The following TBC1D22B variants were observed in gnomAD, a reference collection of about 807,000 sequenced individuals.
TBC1D22B encodes the protein chromosome 6 open reading frame 197.
In TBC1D22B, 32 loss-of-function variants were observed where a neutral mutation model predicts 69.1. The observed-to-expected ratio is 0.46, with a 90% CI of 0.35 to 0.62. TBC1D22B has a LOEUF of 0.62. Ranked by LOEUF, TBC1D22B falls within the 20% of genes least tolerant of loss-of-function variation. TBC1D22B has a pLI of 0.00. For missense variants in TBC1D22B, 462 were observed against 630.9 expected (o/e 0.73, Z 2.87); for synonymous variants, 206 against 229.8 (o/e 0.90, Z 0.94).
chr6:37,294,936 A>T (rs1581603006), intron 8 of TBC1D22B, among the ~76,000 whole-genome samples: 1 of 152,210 alleles, frequency 6.6e-6, no homozygotes, highest in African/African-American at 2.4e-5. Context: ...ATATTTAGTT[A>T]TTTAGTAAAG....
chr6:37,268,336 C>T (rs1240793293), intron 1 of TBC1D22B, among the ~76,000 whole-genome samples: 1 of 151,972 alleles, frequency 6.6e-6, no homozygotes, highest in Non-Finnish European at 1.5e-5. Context: ...TCAAGCGATC[C>T]CCCCGTCTCA....
intron 8 of TBC1D22B, among the ~76,000 whole-genome samples, chr6:37,306,669 T>C (rs1767727070): frequency 2.0e-5 from 3 of 152,206 alleles, no homozygotes; most frequent in Non-Finnish European, 4.4e-5. Context: ...AGGAAAATAG[T>C]GAAAACTTGG....
chr6:37,311,562 A>G (rs1195903086), intron 8 of TBC1D22B, among the ~76,000 whole-genome samples: 1 of 152,044 alleles, frequency 6.6e-6, no homozygotes, highest in South Asian at 2.1e-4. Context: ...AGTCCCAGCT[A>G]CTTGGGAGGC....
chr6:37,294,231 G>A (rs553020427), intron 8 of TBC1D22B, among the ~76,000 whole-genome samples: 2 of 152,252 alleles, frequency 1.3e-5, no homozygotes, highest in Admixed American at 6.5e-5. Context: ...AAGAGACAGT[G>A]GCATGATCAT....
intron 1 of TBC1D22B, 48 bp downstream of exon 1, chr6:37,258,021 C>A: frequency 6.3e-7 from 1 of 1,596,798 alleles, no homozygotes; most frequent in Non-Finnish European, 8.5e-7. Context: ...CAAACCCTTC[C>A]AGATCCTAAT....
At chr6:37,264,922 C>T (rs969209596) in intron 1 of TBC1D22B, among the ~76,000 whole-genome samples, 1 of 152,146 alleles carries the variant, frequency 6.6e-6, no homozygotes. Context: ...AGGTATGGTA[C>T]AGACAGTGAA....
chr6:37,303,394 A>G (rs1280795771), intron 8 of TBC1D22B, among the ~76,000 whole-genome samples: 5 of 152,144 alleles, frequency 3.3e-5, no homozygotes, highest in South Asian at 4.1e-4. Context: ...TCCATATCCA[A>G]TCATTTACAA....
intron 12 of TBC1D22B, among the ~76,000 whole-genome samples, chr6:37,325,999 T>A (rs976180851): frequency 1.3e-5 from 2 of 152,134 alleles, no homozygotes; most frequent in African/African-American, 4.8e-5. Flanking sequence ...GACATTCACT[T>A]GTGCAGGGGT....
chr6:37,330,073 C>T (rs1768536380), intron 12 of TBC1D22B, among the ~76,000 whole-genome samples: 2 of 152,174 alleles, frequency 1.3e-5, no homozygotes, highest in South Asian at 4.1e-4. Context: ...TGAGTGGCCA[C>T]TGGCATTAGT....
At chr6:37,315,090 C>T (rs947718675) in intron 10 of TBC1D22B, among the ~76,000 whole-genome samples, 1 of 152,174 alleles carries the variant, frequency 6.6e-6, no homozygotes, top group Non-Finnish European at 1.5e-5. Flanking sequence ...CTGCCAGAGG[C>T]TGGTCATCAA....
intron 2 of TBC1D22B, among the ~76,000 whole-genome samples, chr6:37,275,259 T>C (rs964171536): frequency 2.0e-5 from 3 of 152,188 alleles, no homozygotes; most frequent in Non-Finnish European, 2.9e-5. Context: ...AAGGAGCCCA[T>C]GCCTAGATGT....
At position 37,297,809 on chromosome 6, in the gene TBC1D22B, T is replaced by C. The variant is rs182657739; in HGVS notation, c.982+6452T>C. ...TGGAACCAACCCAAATGCCCATCAA[T>C]GATAGACTGGATAAAGAAAATGTGA... On this transcript the variant is annotated intron_variant, in intron 8 of 12. Transcript: ENST00000373491. Among the ~76,000 whole-genome samples the C allele has an allele frequency of 1.1e-4, 16 of 152,324 alleles. No individual in the cohort carries two copies. In the East Asian group the frequency reaches 2.1e-3, roughly 20 times the overall value.
chr6:37,282,040 G>A, intron 3 of TBC1D22B, 145 bp from the exon 4 acceptor site: 1 of 858,034 alleles, frequency 1.2e-6, no homozygotes, highest in Non-Finnish European at 1.8e-6. Context: ...GCCCCTCGCT[G>A]CCCTTCAGCT....
chr6:37,287,551 C>G (rs1229631825), intron 7 of TBC1D22B, among the ~76,000 whole-genome samples: 1 of 152,190 alleles, frequency 6.6e-6, no homozygotes, highest in Non-Finnish European at 1.5e-5. Context: ...AATATTAACT[C>G]TCTTCTGCAG....
intron 2 of TBC1D22B, among the ~76,000 whole-genome samples, chr6:37,273,120 G>A (rs146612199): frequency 0.013 from 1,830 of 144,978 alleles, 32 homozygotes; most frequent in Middle Eastern, 0.047. Context: ...CATTTCCTGC[G>A]TTTGAATGTG....
intron 8 of TBC1D22B, among the ~76,000 whole-genome samples, chr6:37,300,403 C>A (rs2113764665): frequency 6.6e-6 from 1 of 152,008 alleles, no homozygotes; most frequent in African/African-American, 2.4e-5. Flanking sequence ...ACTCTGTTGC[C>A]TAGGCTGGAG....
At chr6:37,302,167 G>A (rs1767590666) in intron 8 of TBC1D22B, among the ~76,000 whole-genome samples, 1 of 152,246 alleles carries the variant, frequency 6.6e-6, no homozygotes, top group African/African-American at 2.4e-5. Context: ...TCCCCTGTGA[G>A]TTGATAGAGA....
intron 1 of TBC1D22B, among the ~76,000 whole-genome samples, chr6:37,259,321 GT>G (rs1765985419): frequency 6.6e-6 from 1 of 152,168 alleles, no homozygotes; most frequent in South Asian, 2.1e-4. Context: ...GATGTTCTGT[GT>G]TTTTAGGTAA....
chr6:37,267,139 G>A lies in TBC1D22B; in HGVS notation c.57-2455G>A, dbSNP rs186778507. Among the ~76,000 whole-genome samples, 159 of 150,290 alleles carry A rather than the reference G, an allele frequency of 1.1e-3. 1 individual carries two copies. The highest frequency in any genetic ancestry group is 2.2e-3 in the Admixed American group (33 of 15,068). ...TTTTGTAGGTACAAGGTCTTGCTAC[G>A]TTGCTCAGGCTGGTCAAACTTCTAG... On this transcript the variant is annotated intron_variant, in intron 1 of 12. Coordinates refer to ENST00000373491, the MANE Select transcript of TBC1D22B (RefSeq NM_017772.4).
Sources: gnomAD v4.1 joint callset for allele counts (sites outside exome capture counted in the v4.1 genomes callset) on GRCh38, gnomAD v4.1.1 for gene constraint, MANE v1.5 for transcripts, NCBI Gene and HGNC (gene_info 2026-07-23, HGNC 2026-07-21) for gene names.